ZNF48: variants seen among roughly 807,000 people sequenced by gnomAD.
The protein encoded by ZNF48 is zinc finger protein 48, also known as zinc finger protein 553.
A neutral mutation model predicts 40.0 loss-of-function variants in ZNF48; 20 were observed. The observed-to-expected ratio is 0.50, with a 90% CI of 0.35 to 0.73. The LOEUF (loss-of-function observed/expected upper bound fraction) is 0.73, where lower values mean the gene tolerates loss of function less well. Ranked by LOEUF, ZNF48 falls within the 30% of genes least tolerant of loss-of-function variation. The pLI is 0.01. For missense variants in ZNF48, 726 were observed against 851.9 expected (o/e 0.85, Z 1.84); for synonymous variants, 298 against 329.7 (o/e 0.90, Z 1.04).
chr16:30,395,669 TG>T lies in ZNF48; in HGVS notation c.-16+94del. 3 of 912,412 alleles carry T rather than the reference TG, an allele frequency of 3.3e-6. No homozygotes were observed. Among genetic ancestry groups the T allele is most frequent in the East Asian group, 4.0e-5 (1 of 25,102 alleles). The allele number at this position is 912,412 out of a possible 1,614,324, so 56.5% of individuals were successfully genotyped here. On this transcript the variant is annotated intron_variant, in intron 1 of 2. Coordinates refer to ENST00000613509, the MANE Select transcript of ZNF48 (RefSeq NM_001214909.2). The surrounding 1 kb of genome is among the most constrained non-coding windows in gnomAD (Gnocchi z 5.9). The stretch of plus-strand genomic sequence containing the variant: ...GGGCACCGGGAGCCGCGCCCGTACC[TG>T]GGACCCGACGCCGCCCGGTGCCCGC...
chr16:30,389,572 CAA>C (rs1250778121), intron 1 of ZNF48, among the ~76,000 whole-genome samples: 11 of 53,586 alleles, frequency 2.1e-4, no homozygotes, highest in Admixed American at 2.1e-4. Flanking sequence ...GACTCTGTCT[CAA>C]AAAAAAAAAA....
chr16:30,381,807 G>T lies in ZNF48; in HGVS notation c.-16+3397G>T. On this transcript the variant is annotated intron_variant, in intron 1 of 2. Coordinates refer to the ZNF48 transcript ENST00000528032. The surrounding 1 kb of genome is among the most constrained non-coding windows in gnomAD (Gnocchi z 4.3). ...CCCCAAAGCCAGGTGTGTCCACAAG[G>T]GTCAGCTTCACTTTCACACCCCCTT... is the stretch of plus-strand genomic sequence containing the variant. 6.2e-7 allele frequency: 1 copy of T among 1,614,096 alleles called. No individual in the cohort carries two copies. Among genetic ancestry groups the T allele is most frequent in the Non-Finnish European group, 8.5e-7 (1 of 1,180,018 alleles).
chr16:30,381,241 G>T lies in ZNF48; in HGVS notation c.-16+2831G>T. The T allele has an allele frequency of 2.5e-6, 4 of 1,614,044 alleles. No homozygotes were observed. Among genetic ancestry groups the T allele is most frequent in the Non-Finnish European group, 3.4e-6 (4 of 1,179,958 alleles). ...GGAGGAAGGCCACATCTAGGGGCCG[G>T]AGCCTGCACCCAGGGATTGGTCATT... On this transcript the variant is annotated intron_variant, in intron 1 of 2. Transcript: ENST00000528032. This position sits in a 1 kb window ranked among gnomAD's most constrained non-coding sequence, Gnocchi z 4.3.
chr16:30,379,454 G>C (rs2049808704), intron 1 of ZNF48: 2 of 1,613,894 alleles, frequency 1.2e-6, no homozygotes, highest in Middle Eastern at 1.6e-4. Flanking sequence ...TCCCCCAGGA[G>C]TAGCGGCGTC....
Position 30,382,020 on chromosome 16 carries a change from C to T in ZNF48, c.-16+3610C>T, listed in dbSNP as rs2049856185. The T allele has an allele frequency of 1.3e-6, 2 of 1,597,564 alleles. No individual in the cohort carries two copies. Among genetic ancestry groups the T allele is most frequent in the East Asian group, 2.2e-5 (1 of 44,604 alleles). ...AAAAAAAGCAGTCAACTACCTGAGT[C>T]CCCAGATGGAAAAGACTAGGGTGTA... On this transcript the variant is annotated intron_variant, in intron 1 of 2. Coordinates refer to the ZNF48 transcript ENST00000528032. This position sits in a 1 kb window ranked among gnomAD's most constrained non-coding sequence, Gnocchi z 4.8.
chr16:30,385,215 TAATAATATAA>T lies in ZNF48; in HGVS notation c.-16+6807_-16+6816del, dbSNP rs1457599897. 5.8e-3 allele frequency among the ~76,000 whole-genome samples: 783 copies of T among 135,868 alleles called. 4 individuals carry two copies. Among genetic ancestry groups the T allele is most frequent in the African/African-American group, 0.021 (734 of 34,472 alleles). The allele number at this position is 135,868 out of a possible 152,430, so 89.1% of individuals were successfully genotyped here. A position where few individuals can be genotyped will look rare whatever the true frequency, so the allele number is the denominator to read the frequency against. On this transcript the variant is annotated intron_variant, in intron 1 of 2. Transcript: ENST00000528032. ...ATAATAATAATAATAATAATAATAA[TAATAATATAA>T]ATAAATAAATAAGCAAAGGGCAGGG...
At position 30,386,041 on chromosome 16, in the gene ZNF48, C is replaced by T. The variant is rs188693888; in HGVS notation, c.-16+7631C>T. Among the ~76,000 whole-genome samples, 157 of 150,156 alleles carry T rather than the reference C, an allele frequency of 1.0e-3. 3 individuals are homozygous for T. The East Asian group carries it at 0.011, about 10-fold the overall frequency. On this transcript the variant is annotated intron_variant, in intron 1 of 2. Transcript: ENST00000528032. ...CTGTAATCTCAGCACTTTGGGAGGCCGAGGTGGGAGGATCACTTGAGGCCA... is the reference window on the plus strand; with the variant it reads ...CTGTAATCTCAGCACTTTGGGAGGCTGAGGTGGGAGGATCACTTGAGGCCA...
Position 30,398,600 on chromosome 16 carries a change from C to T in ZNF48, c.1350C>T (p.Pro450=), listed in dbSNP as rs766052695. Residue 450 remains proline (P), a synonymous_variant, in exon 3 of 3, where the codon CCC becomes CCT. Coordinates refer to ENST00000613509, the MANE Select transcript of ZNF48 (RefSeq NM_001214909.2). The surrounding 1 kb of genome is among the most constrained non-coding windows in gnomAD (Gnocchi z 6.6). ...CCCCACCACTGGCGGGCGACAAGCC[C>T]CACAAGTGCCCTGAGTGTGGCAAGG... The part of the protein sequence containing the change: ...EPPPPLAGDK[P]HKCPECGKGF... The T allele has an allele frequency of 1.9e-6, 3 of 1,612,542 alleles. No homozygotes were observed. Among genetic ancestry groups the T allele is most frequent in the Non-Finnish European group, 8.5e-7 (1 of 1,179,886 alleles).
chr16:30,385,787 T>C (rs1297675883), intron 1 of ZNF48, among the ~76,000 whole-genome samples: 2 of 151,624 alleles, frequency 1.3e-5, no homozygotes, highest in East Asian at 1.9e-4. Flanking sequence ...GATCAACTCT[T>C]CTCTGAGTTA....
In ZNF48 at chr16:30,381,311, G is replaced by T. The variant is rs772974920; in HGVS notation, c.-16+2901G>T. 1.9e-6 allele frequency: 3 copies of T among 1,597,958 alleles called. No homozygotes were observed. Among genetic ancestry groups the T allele is most frequent in the African/African-American group, 2.7e-5 (2 of 72,822 alleles). On this transcript the variant is annotated intron_variant, in intron 1 of 2. Coordinates refer to the ZNF48 transcript ENST00000528032. The surrounding 1 kb of genome is among the most constrained non-coding windows in gnomAD (Gnocchi z 4.3). ...AGACCCCCCAGCCCTCCCTAAATGC[G>T]CCAGCCCCCAGGATCCCCCCACCAG...
At chr16:30,391,998 C>T (rs1472647668), upstream of ZNF48, among the ~76,000 whole-genome samples, 4 of 151,998 alleles carry the variant, frequency 2.6e-5, no homozygotes, top group East Asian at 7.7e-4. Flanking sequence ...CCACCACTCC[C>T]AGCTAACTTT....
At position 30,399,404 on chromosome 16, in the gene ZNF48, A is replaced by C; in HGVS notation, c.*297A>C. 7.1e-6 allele frequency: 2 copies of C among 280,218 alleles called. No homozygotes were observed. Among genetic ancestry groups the C allele is most frequent in the Middle Eastern group, 1.0e-3 (1 of 954 alleles). The allele number at this position is 280,218 out of a possible 1,614,324, so 17.4% of individuals were successfully genotyped here. On this transcript the variant is annotated 3_prime_UTR_variant, in exon 3 of 3. Transcript: ENST00000613509. ...AAACTGGCTTTCACCTAAGGACTCA[A>C]CCCTAAATTCCTGCTGCCTCATCTG...
In ZNF48 at chr16:30,382,463, G is replaced by C. The variant is rs2049864089; in HGVS notation, c.-16+4053G>C. On this transcript the variant is annotated intron_variant, in intron 1 of 2. Transcript: ENST00000528032. This position sits in a 1 kb window ranked among gnomAD's most constrained non-coding sequence, Gnocchi z 4.8. ...GGGCTAGGAAGAGTCAGTGGGGTCT[G>C]GGGACCCCAGGCATGGGGGCTGGGG... The C allele has an allele frequency of 3.8e-6, 6 of 1,562,532 alleles. No homozygotes were observed. Among genetic ancestry groups the C allele is most frequent in the East Asian group, 2.3e-5 (1 of 44,364 alleles).
chr16:30,399,983 A>AGT lies in ZNF48; in HGVS notation c.*885_*886dup, dbSNP rs947276015. ...ACGGCTTCTCTTCTGAGGCTTGGAC[A>AGT]GTGTGTGTGTACACACAGGCATGAA... On this transcript the variant is annotated 3_prime_UTR_variant, in exon 3 of 3. Transcript: ENST00000613509. The AGT allele has an allele frequency of 5.3e-5, 8 of 152,366 alleles. No individual in the cohort carries two copies. Among genetic ancestry groups the AGT allele is most frequent in the African/African-American group, 1.7e-4 (7 of 41,572 alleles). 9.4% of individuals were successfully genotyped at this position (152,366 alleles called of 1,614,324 possible).
chr16:30,384,664 G>A (rs537362964), intron 1 of ZNF48, among the ~76,000 whole-genome samples: 46 of 151,876 alleles, frequency 3.0e-4, no homozygotes, highest in South Asian at 1.3e-3. Flanking sequence ...ATCACTTGAG[G>A]CCAGGAGTTC....
chr16:30,378,784 G>A, intron 1 of ZNF48: 1 of 1,374,210 alleles, frequency 7.3e-7, no homozygotes, highest in Non-Finnish European at 1.0e-6. Context: ...CCTGGGGCGA[G>A]GTTGGGGTCT....
Position 30,380,094 on chromosome 16 carries a change from C to T in ZNF48, c.-16+1684C>T, listed in dbSNP as rs1184615475. ...GGCCACAATGACAGACATTTCATGACCAGAGACAGTGAGACACAGAGATAC... is the reference window on the plus strand; with the variant it reads ...GGCCACAATGACAGACATTTCATGATCAGAGACAGTGAGACACAGAGATAC... On this transcript the variant is annotated intron_variant, in intron 1 of 2. Coordinates refer to the ZNF48 transcript ENST00000528032. The T allele has an allele frequency of 7.2e-6, 10 of 1,396,950 alleles. No homozygotes were observed. In the South Asian group the frequency reaches 1.2e-4, roughly 17 times the overall value. The allele number at this position is 1,396,950 out of a possible 1,614,324, so 86.5% of individuals were successfully genotyped here.
At chr16:30,392,442 A>G (rs1597016722), upstream of ZNF48, among the ~76,000 whole-genome samples, 3 of 152,134 alleles carry the variant, frequency 2.0e-5, no homozygotes, top group African/African-American at 7.2e-5. Flanking sequence ...GTGAGCCACC[A>G]TGCCTGGCCC....
upstream of ZNF48, among the ~76,000 whole-genome samples, chr16:30,392,268 C>T (rs1184762780): frequency 6.6e-6 from 1 of 152,130 alleles, no homozygotes; most frequent in Non-Finnish European, 1.5e-5. Context: ...CGTGATCCAC[C>T]CACATCGGCA....
Sources: allele counts gnomAD v4.1 joint callset (sites outside exome capture counted in the v4.1 genomes callset), GRCh38; gene constraint gnomAD v4.1.1; non-coding constraint Gnocchi (gnomAD v3.1); transcripts MANE v1.5; gene names NCBI Gene and HGNC (gene_info 2026-07-23, HGNC 2026-07-21).